The following ERMARD variants were observed in gnomAD, a reference collection of about 807,000 sequenced individuals.
ERMARD encodes endoplasmic reticulum membrane-associated RNA degradation protein.
ERMARD carries 71 observed loss-of-function variants against 83.9 expected under a neutral mutation model. That is an observed-to-expected ratio of 0.85 (90% confidence interval 0.70 to 1.03). The LOEUF is 1.03. Among genes scored for constraint, ERMARD ranks in the 50% least tolerant of loss-of-function variants. The probability of loss-of-function intolerance (pLI) is 0.00; values close to 1 mark genes in which losing one functional copy is unlikely to be tolerated. For missense variants in ERMARD, 838 were observed against 810.9 expected, an observed-to-expected ratio of 1.03 and a Z score of -0.41; for synonymous variants, 284 against 298.6, an observed-to-expected ratio of 0.95 and a Z score of 0.50.
At chr6:169,759,169 G>T in intron 6 of ERMARD, 104 bp downstream of exon 6, 1 of 984,588 alleles carries the variant, frequency 1.0e-6, no homozygotes, top group South Asian at 1.5e-5. Flanking sequence ...AAAGATAAGT[G>T]AGTTTTGAGA....
rs937571824 is a variant in ERMARD at position 169,773,394 on chromosome 6, A to G, written c.1309A>G (p.Lys437Glu). 6.2e-7 allele frequency: 1 copy of G among 1,614,182 alleles called. No homozygotes were observed. Among genetic ancestry groups the G allele is most frequent in the Non-Finnish European group, 8.5e-7 (1 of 1,180,020 alleles). The change falls in exon 13 of 18, where the codon AAA (lysine) becomes GAA (glutamate). Residue 437 changes from lysine to glutamate, a missense_variant. Coordinates refer to ENST00000366773, the MANE Select transcript of ERMARD (RefSeq NM_018341.3). ...SSRCHPVFQL[K>E]KQVLSCEESI... ...TCGCTGTCATCCGGTTTTTCAGCTTAAAAAACAGGTATGCCAAATGCAGGG... is the reference window on the plus strand; with the variant it reads ...TCGCTGTCATCCGGTTTTTCAGCTTGAAAAACAGGTATGCCAAATGCAGGG...
rs1790451678 is a variant in ERMARD at position 169,753,750 on chromosome 6, G to T, written c.7-114G>T. 1.5e-5 allele frequency: 10 copies of T among 672,950 alleles called. No individual in the cohort carries two copies. The East Asian group carries it at 2.8e-4, about 19-fold the overall frequency. 41.7% of individuals were successfully genotyped at this position (672,950 alleles called of 1,614,324 possible). A position where few individuals can be genotyped will look rare whatever the true frequency, so the allele number is the denominator to read the frequency against. The stretch of plus-strand genomic sequence containing the variant: ...AGCTCTCACGATATCCAGAAAGCAT[G>T]TTAACAGCAACTATACCTGAGTGCA... On this transcript the variant is annotated intron_variant, in intron 1 of 17. Transcript: ENST00000366773.
At chr6:169,756,151 C>T (rs1014449749) in intron 3 of ERMARD, among the ~76,000 whole-genome samples, 187 bp from the exon 4 acceptor site, 7 of 152,122 alleles carry the variant, frequency 4.6e-5, no homozygotes, top group African/African-American at 1.4e-4. Flanking sequence ...TCAAGGAATT[C>T]TTTAGCTATT....
intron 15 of ERMARD, 150 bp downstream of exon 15, chr6:169,776,215 G>A: frequency 6.6e-7 from 1 of 1,516,554 alleles, no homozygotes; most frequent in Non-Finnish European, 9.0e-7. Context: ...TATGAGATAA[G>A]TTTTGACAAT....
At chr6:169,751,824 G>C in intron 1 of ERMARD, 161 bp downstream of exon 1, 2 of 1,102,580 alleles carry the variant, frequency 1.8e-6, no homozygotes, top group East Asian at 3.2e-5. Context: ...CCTGGCCTCT[G>C]TGGCGGTATC....
upstream of ERMARD, chr6:169,751,478 C>T: frequency 1.9e-6 from 3 of 1,612,394 alleles, no homozygotes; most frequent in South Asian, 2.2e-5. Context: ...TTCTCCAAGA[C>T]GCCCACCGCC....
intron 16 of ERMARD, among the ~76,000 whole-genome samples, chr6:169,778,049 C>T (rs1793795917): frequency 6.6e-6 from 1 of 152,230 alleles, no homozygotes; most frequent in Non-Finnish European, 1.5e-5. Flanking sequence ...GAGTCACACA[C>T]CCACACTCAC....
chr6:169,777,060 T>C (rs1294127767), intron 16 of ERMARD, among the ~76,000 whole-genome samples: 1 of 152,208 alleles, frequency 6.6e-6, no homozygotes, highest in Non-Finnish European at 1.5e-5. Context: ...TTCCAGGTTA[T>C]AGGTAGACAG....
At chr6:169,762,672 AT>A in intron 9 of ERMARD, 141 bp downstream of exon 9, 1 of 635,894 alleles carries the variant, frequency 1.6e-6, no homozygotes, top group South Asian at 2.1e-5. Flanking sequence ...AAGGCCTATC[AT>A]TTCTATAGGA....
intron 9 of ERMARD, among the ~76,000 whole-genome samples, chr6:169,764,752 T>A (rs1335018906): frequency 1.3e-5 from 2 of 152,168 alleles, no homozygotes; most frequent in Admixed American, 6.5e-5. Flanking sequence ...GATACCTCAG[T>A]GAAATTTAGG....
intron 16 of ERMARD, among the ~76,000 whole-genome samples, chr6:169,778,048 A>G (rs1215287739): frequency 6.6e-6 from 1 of 152,116 alleles, no homozygotes; most frequent in Non-Finnish European, 1.5e-5. Context: ...CGAGTCACAC[A>G]CCCACACTCA....
At chr6:169,754,892 G>T (rs114490860) in intron 2 of ERMARD, among the ~76,000 whole-genome samples, 2,075 of 151,854 alleles carry the variant, frequency 0.014, 44 homozygotes, top group African/African-American at 0.047. Context: ...TAACGTTAAC[G>T]TAAAAAAATC....
rs924491071 is a variant in ERMARD, at chr6:169,773,251, A to G, written c.1234-68A>G. On this transcript the variant is annotated intron_variant, in intron 12 of 17. Transcript: ENST00000366773. ...GAGAAATGGGGACTCTAAGTGGCCT[A>G]CAGTTCAATAGAAGAAAGCTAAAAG... 9.6e-6 allele frequency: 13 copies of G among 1,348,056 alleles called. No individual in the cohort carries two copies. The African/African-American group carries it at 1.2e-4, about 12-fold the overall frequency. The allele number at this position is 1,348,056 out of a possible 1,614,324, so 83.5% of individuals were successfully genotyped here.
At chr6:169,768,227 A>G in intron 11 of ERMARD, 56 bp downstream of exon 11, 1 of 1,475,776 alleles carries the variant, frequency 6.8e-7, no homozygotes, top group Non-Finnish European at 9.4e-7. Context: ...TGTCGTCAGC[A>G]CTTCTCTAAA....
chr6:169,758,332 C>T (rs1392677411), intron 5 of ERMARD, among the ~76,000 whole-genome samples: 1 of 152,188 alleles, frequency 6.6e-6, no homozygotes, highest in Non-Finnish European at 1.5e-5. Context: ...GCCTCAAACC[C>T]AAAGCAGTTC....
At position 169,775,312 on chromosome 6, in the gene ERMARD, C is replaced by T; in HGVS notation, c.1360C>T (p.Pro454Ser). The T allele has an allele frequency of 6.2e-7, 1 of 1,614,184 alleles. No individual in the cohort carries two copies. Among genetic ancestry groups the T allele is most frequent in the Non-Finnish European group, 8.5e-7 (1 of 1,180,028 alleles). The change falls in exon 14 of 18, where the codon CCT (proline) becomes TCT (serine). Residue 454 changes from proline to serine, a missense_variant. Transcript: ENST00000366773. ...EESIRVWALL[P>S]FPEELTRQAV... ...GAGCATCAGGGTTTGGGCTCTGCTG[C>T]CTTTCCCCGAAGAACTCACTCGGCA...
chr6:169,780,540 T>TA (rs1472768283), intron 17 of ERMARD, among the ~76,000 whole-genome samples: 1 of 152,228 alleles, frequency 6.6e-6, no homozygotes, highest in Non-Finnish European at 1.5e-5. Context: ...ATAACTTAAG[T>TA]AAAATCTCTT....
intron 12 of ERMARD, chr6:169,771,981 C>G (rs1792981004): frequency 6.6e-6 from 1 of 152,174 alleles, no homozygotes; most frequent in South Asian, 2.1e-4. Context: ...CCACTGCACT[C>G]CAGCCTGAAT....
intron 17 of ERMARD, among the ~76,000 whole-genome samples, chr6:169,780,375 T>C (rs1562356960): frequency 6.6e-6 from 1 of 152,234 alleles, no homozygotes; most frequent in Non-Finnish European, 1.5e-5. Context: ...ACAAAGTGTC[T>C]GTGGCTTTTC....
Sources: gnomAD v4.1 joint callset for allele counts (sites outside exome capture counted in the v4.1 genomes callset) on GRCh38, gnomAD v4.1.1 for gene constraint, MANE v1.5 for transcripts, NCBI Gene and HGNC (gene_info 2026-07-23, HGNC 2026-07-21) for gene names.